Variants in CELF2 observed in about 807,000 individuals in gnomAD.
CELF2 encodes the protein CUG triplet repeat RNA-binding protein 2.
In CELF2, 8 loss-of-function variants were observed where a neutral mutation model predicts 62.6. The observed-to-expected ratio is 0.13, with a 90% CI of 0.07 to 0.23. The LOEUF is 0.23. Among genes scored for constraint, CELF2 ranks in the 10% least tolerant of loss-of-function variants. CELF2 has a pLI of 1.00. For missense variants in CELF2, 333 were observed against 671.0 expected, an observed-to-expected ratio of 0.50 and a Z score of 5.56; for synonymous variants, 258 against 250.0, an observed-to-expected ratio of 1.03 and a Z score of -0.30.
intron 1 of CELF2, among the ~76,000 whole-genome samples, chr10:10,865,764 G>T (rs912618501): frequency 6.6e-6 from 1 of 151,584 alleles, no homozygotes; most frequent in Non-Finnish European, 1.5e-5. Context: ...ACTATTCAAA[G>T]CAAAATGAGA....
intron 2 of CELF2, among the ~76,000 whole-genome samples, chr10:11,210,042 T>C (rs1589113799): frequency 6.6e-6 from 1 of 152,216 alleles, no homozygotes; most frequent in Non-Finnish European, 1.5e-5. Flanking sequence ...TAATTTAGCC[T>C]TCCAGGGCCT....
chr10:10,766,549 GA>G, the CELF2 span, among the ~76,000 whole-genome samples: 1 of 152,196 alleles, frequency 6.6e-6, no homozygotes, highest in South Asian at 2.1e-4. Flanking sequence ...CTGGGGAATG[GA>G]GCCAGGGGAG....
chr10:11,322,067 C>T (rs1280380743), intron 11 of CELF2, among the ~76,000 whole-genome samples: 1 of 152,218 alleles, frequency 6.6e-6, no homozygotes. Flanking sequence ...TCAGCACAGA[C>T]CATCACCTTT....
chr10:10,907,528 A>T (rs2134258674), intron 1 of CELF2, among the ~76,000 whole-genome samples: 1 of 152,350 alleles, frequency 6.6e-6, no homozygotes, highest in East Asian at 1.9e-4. Context: ...ATGGCTAAAG[A>T]AATCCTGGCA....
At chr10:10,511,807 C>T in the CELF2 span, among the ~76,000 whole-genome samples, 26 of 152,110 alleles carry the variant, frequency 1.7e-4, no homozygotes, top group African/African-American at 6.0e-4. Flanking sequence ...CACTTCAAAC[C>T]GCCAGCAGCC....
intron 2 of CELF2, among the ~76,000 whole-genome samples, chr10:10,996,832 T>A (rs1281408698): frequency 6.6e-6 from 1 of 152,102 alleles, no homozygotes; most frequent in Non-Finnish European, 1.5e-5. Context: ...TCTAACTTCC[T>A]CCTCCCCTGG....
intron 1 of CELF2, among the ~76,000 whole-genome samples, chr10:11,144,346 G>C (rs1334236649): frequency 6.6e-6 from 1 of 152,138 alleles, no homozygotes; most frequent in Non-Finnish European, 1.5e-5. Context: ...ATTTAGCCAT[G>C]GGATATAAAG....
the CELF2 span, among the ~76,000 whole-genome samples, chr10:10,559,482 A>G: frequency 6.6e-6 from 1 of 152,214 alleles, no homozygotes; most frequent in Non-Finnish European, 1.5e-5. Context: ...GCTGTTCAAA[A>G]CACCACCAAA....
At chr10:11,326,326 G>A (rs2095723765) in intron 12 of CELF2, among the ~76,000 whole-genome samples, 1 of 152,174 alleles carries the variant, frequency 6.6e-6, no homozygotes. Flanking sequence ...TGACATACAC[G>A]CACACAAAGA....
At chr10:10,464,440 GA>G in the CELF2 span, among the ~76,000 whole-genome samples, 1 of 151,680 alleles carries the variant, frequency 6.6e-6, no homozygotes, top group Non-Finnish European at 1.5e-5. Flanking sequence ...TTTTATTGTG[GA>G]AAAAAATTCA....
the CELF2 span, among the ~76,000 whole-genome samples, chr10:10,736,680 G>GA: frequency 1.2e-4 from 18 of 151,398 alleles, no homozygotes; most frequent in African/African-American, 2.9e-4. Context: ...GGAAAATAAA[G>GA]AAAAAAAATG....
rs115255860 is a variant in CELF2, at chr10:10,931,215, T to C, written c.89+11216T>C. ...GGACTGAAACCACTCAAGCATCCTA[T>C]ATTGTGTTCATTTTTCAAATAAGCA... On this transcript the variant is annotated intron_variant, in intron 2 of 13. Coordinates refer to the CELF2 transcript ENST00000636488. The surrounding 1 kb of genome is among the most constrained non-coding windows in gnomAD (Gnocchi z 6.1). 7.0e-3 allele frequency among the ~76,000 whole-genome samples: 1,064 copies of C among 152,322 alleles called. 17 individuals are homozygous for C. Among genetic ancestry groups the C allele is most frequent in the African/African-American group, 0.023 (942 of 41,556 alleles).
chr10:10,640,073 T>C, the CELF2 span, among the ~76,000 whole-genome samples: 1 of 152,180 alleles, frequency 6.6e-6, no homozygotes, highest in African/African-American at 2.4e-5. Flanking sequence ...CCCAATCCCT[T>C]AATGAATTCC....
At chr10:10,792,962 C>T in the CELF2 span, among the ~76,000 whole-genome samples, 2 of 152,278 alleles carry the variant, frequency 1.3e-5, no homozygotes, top group Non-Finnish European at 2.9e-5. Flanking sequence ...CCGTTTTACC[C>T]TCCTGTTCAG....
chr10:10,614,274 A>G, the CELF2 span, among the ~76,000 whole-genome samples: 9 of 152,136 alleles, frequency 5.9e-5, no homozygotes, highest in African/African-American at 2.2e-4. Context: ...ATTGAACACC[A>G]ATTAGATGAC....
intron 1 of CELF2, among the ~76,000 whole-genome samples, chr10:10,903,201 A>G (rs2063073313): frequency 6.6e-6 from 1 of 152,130 alleles, no homozygotes; most frequent in African/African-American, 2.4e-5. Context: ...ACATTATTCC[A>G]TTTGCATTTA....
chr10:10,954,840 A>G (rs944147328), intron 2 of CELF2, among the ~76,000 whole-genome samples: 1 of 152,244 alleles, frequency 6.6e-6, no homozygotes, highest in Non-Finnish European at 1.5e-5. Context: ...GAGTTTTTTT[A>G]AAAAGCAGCA....
chr10:10,843,250 T>G (rs2058801254), intron 1 of CELF2, among the ~76,000 whole-genome samples: 1 of 152,052 alleles, frequency 6.6e-6, no homozygotes, highest in South Asian at 2.1e-4. Flanking sequence ...TTCAAATAAC[T>G]GGCTTTTTGT....
chr10:10,970,431 C>T lies in CELF2; in HGVS notation c.89+50432C>T, dbSNP rs953708108. ...GTGGAATGTTAAAGAGGAAACCCAT[C>T]GAAAAGCTTTTGTTGATGCAGCCTG... On this transcript the variant is annotated intron_variant, in intron 2 of 13. Transcript: ENST00000636488. Among the ~76,000 whole-genome samples the T allele has an allele frequency of 2.9e-4, 44 of 152,162 alleles. 1 individual carries two copies. Among genetic ancestry groups the T allele is most frequent in the African/African-American group, 9.2e-4 (38 of 41,520 alleles).
Sources: allele counts gnomAD v4.1 joint callset (sites outside exome capture counted in the v4.1 genomes callset), GRCh38; gene constraint gnomAD v4.1.1; non-coding constraint Gnocchi (gnomAD v3.1); transcripts MANE v1.5; gene names NCBI Gene and HGNC (gene_info 2026-07-23, HGNC 2026-07-21).